Variants in NPSR1 observed in about 807,000 individuals in gnomAD.
NPSR1 encodes neuropeptide S receptor 1.
Under a neutral mutation model 46.9 loss-of-function variants are expected in NPSR1, and 48 were observed. That is an observed-to-expected ratio of 1.02 (90% confidence interval 0.81 to 1.30). The LOEUF (loss-of-function observed/expected upper bound fraction) is 1.30, where lower values mean the gene tolerates loss of function less well. Ranked by LOEUF, NPSR1 falls within the 50% of genes most tolerant of loss-of-function variation. The pLI is 0.00. For missense variants in NPSR1, 450 were observed against 449.5 expected (o/e 1.00, Z -0.01); for synonymous variants, 176 against 168.1 (o/e 1.05, Z -0.36).
At chr7:34,754,474 T>C (rs1403906891) in intron 2 of NPSR1, among the ~76,000 whole-genome samples, 1 of 152,170 alleles carries the variant, frequency 6.6e-6, no homozygotes, top group Non-Finnish European at 1.5e-5. Context: ...GATACCAGTG[T>C]AACTAGCACC....
intron 2 of NPSR1, among the ~76,000 whole-genome samples, chr7:34,746,786 G>C (rs10270663): frequency 6.6e-6 from 1 of 152,040 alleles, no homozygotes; most frequent in South Asian, 2.1e-4. Context: ...CCAAGAATGG[G>C]AAAGAGTGAG....
At position 34,707,029 on chromosome 7, in the gene NPSR1, T is replaced by C. The variant is rs1310636343; in HGVS notation, c.280+22345T>C. On this transcript the variant is annotated intron_variant, in intron 2 of 8. Transcript: ENST00000360581. ...AAAATGGCATTGTCCTATCGCTATGTGAATAATTCAACTAAAAAGAATAAC... is the reference window on the plus strand; with the variant it reads ...AAAATGGCATTGTCCTATCGCTATGCGAATAATTCAACTAAAAAGAATAAC... Among the ~76,000 whole-genome samples, 3 of 152,182 alleles carry C rather than the reference T, an allele frequency of 2.0e-5. No individual in the cohort carries two copies. In the South Asian group the frequency reaches 6.2e-4, roughly 32 times the overall value.
chr7:34,756,689 A>C (rs1365320663), intron 2 of NPSR1, among the ~76,000 whole-genome samples: 2 of 152,342 alleles, frequency 1.3e-5, no homozygotes, highest in Middle Eastern at 3.4e-3. Context: ...AACCAGTAAA[A>C]TATGTAAAAG....
intron 3 of NPSR1, among the ~76,000 whole-genome samples, chr7:34,801,934 G>A (rs563098851): frequency 2.0e-5 from 3 of 149,880 alleles, no homozygotes; most frequent in African/African-American, 7.6e-5. Flanking sequence ...GACAATCAGA[G>A]AGCCAAATCA....
At position 34,790,953 on chromosome 7, in the gene NPSR1, TTA is replaced by T. The variant is rs372060665; in HGVS notation, c.384+12392_384+12393del. 4.5e-3 allele frequency among the ~76,000 whole-genome samples: 374 copies of T among 82,826 alleles called. 8 individuals are homozygous for T. Among genetic ancestry groups the T allele is most frequent in the South Asian group, 0.012 (37 of 2,984 alleles). 54.3% of individuals were successfully genotyped at this position (82,826 alleles called of 152,430 possible). A position where few individuals can be genotyped will look rare whatever the true frequency, so the allele number is the denominator to read the frequency against. On this transcript the variant is annotated intron_variant, in intron 3 of 8. Transcript: ENST00000360581. ...TATGTTATATTATATATCATATATG[TTA>T]TATGTTATATTATATATGTTATATG...
intron 3 of NPSR1, among the ~76,000 whole-genome samples, chr7:34,791,064 A>ATATTATATATGTTATATG: frequency 8.9e-6 from 1 of 111,842 alleles, no homozygotes; most frequent in African/African-American, 4.0e-5. Context: ...TATGTTATAT[A>ATATTATATATGTTATATG]TTATATTATA....
At chr7:34,754,406 AG>A (rs1461837730) in intron 2 of NPSR1, among the ~76,000 whole-genome samples, 3 of 152,062 alleles carry the variant, frequency 2.0e-5, no homozygotes, top group Admixed American at 6.6e-5. Flanking sequence ...TTTTTATTGA[AG>A]TATGAAGTTC....
chr7:34,845,522 G>A (rs1249527893), intron 7 of NPSR1: 6 of 453,902 alleles, frequency 1.3e-5, no homozygotes, highest in Admixed American at 7.1e-5. Flanking sequence ...CTGCTCTCCG[G>A]TGGTGCCCCG....
intron 3 of NPSR1, 124 bp from the exon 4 acceptor site, chr7:34,811,646 C>T (rs1009106939): frequency 3.4e-5 from 21 of 621,376 alleles, no homozygotes; most frequent in Non-Finnish European, 5.6e-5. Context: ...CTTCCTAATC[C>T]AACACTCACC....
intron 2 of NPSR1, among the ~76,000 whole-genome samples, chr7:34,761,839 G>A (rs1212900873): frequency 6.6e-6 from 1 of 152,176 alleles, no homozygotes; most frequent in East Asian, 1.9e-4. Flanking sequence ...ATAATTACAT[G>A]CTACCATGCC....
At chr7:34,813,937 C>G (rs1294091414) in intron 4 of NPSR1, among the ~76,000 whole-genome samples, 1 of 152,224 alleles carries the variant, frequency 6.6e-6, no homozygotes, top group Non-Finnish European at 1.5e-5. Flanking sequence ...TGCTGGGGAT[C>G]TGTTCCAAGA....
intron 5 of NPSR1, among the ~76,000 whole-genome samples, chr7:34,831,422 C>T (rs1790113897): frequency 6.6e-6 from 1 of 151,516 alleles, no homozygotes; most frequent in African/African-American, 2.4e-5. Flanking sequence ...ATGATAGCTC[C>T]TCCATAAATA....
intron 1 of NPSR1, among the ~76,000 whole-genome samples, chr7:34,662,046 A>G (rs549245870): frequency 6.6e-6 from 1 of 152,326 alleles, no homozygotes; most frequent in South Asian, 2.1e-4. Flanking sequence ...CTTAATGAGA[A>G]ACCTAATTAG....
At chr7:34,831,970 G>T (rs1242817459) in intron 5 of NPSR1, among the ~76,000 whole-genome samples, 1 of 152,178 alleles carries the variant, frequency 6.6e-6, no homozygotes, top group Non-Finnish European at 1.5e-5. Flanking sequence ...TGCCAGGTTG[G>T]TGCAGCCCTG....
intron 2 of NPSR1, among the ~76,000 whole-genome samples, chr7:34,760,187 A>T (rs983586528): frequency 6.6e-6 from 1 of 152,212 alleles, no homozygotes; most frequent in African/African-American, 2.4e-5. Context: ...TTTTGCAGAA[A>T]ACATTATTCT....
intron 4 of NPSR1, among the ~76,000 whole-genome samples, chr7:34,822,392 A>G (rs1214703070): frequency 6.6e-6 from 1 of 152,208 alleles, no homozygotes; most frequent in African/African-American, 2.4e-5. Flanking sequence ...GCACAAGGCA[A>G]TGGCCGCTTA....
At position 34,827,007 on chromosome 7, in the gene NPSR1, C is replaced by T. The variant is rs185517876; in HGVS notation, c.479-394C>T. ...ATGCCACGTGGACCAAAGGCTGTAG[C>T]CCTGCCTGGTAACAAGAGACTGCAT... On this transcript the variant is annotated intron_variant, in intron 4 of 8. Coordinates refer to ENST00000360581, the MANE Select transcript of NPSR1 (RefSeq NM_207172.2). Among the ~76,000 whole-genome samples the T allele has an allele frequency of 1.3e-3, 196 of 152,272 alleles. 1 individual carries two copies. In the South Asian group the frequency reaches 0.02, roughly 15 times the overall value.
Position 34,783,989 on chromosome 7 carries a change from A to G in NPSR1, c.384+5424A>G, listed in dbSNP as rs79710589. 2.0e-5 allele frequency among the ~76,000 whole-genome samples: 3 copies of G among 152,118 alleles called. No individual in the cohort carries two copies. The East Asian group carries it at 5.8e-4, about 29-fold the overall frequency. On this transcript the variant is annotated intron_variant, in intron 3 of 8. Coordinates refer to ENST00000360581, the MANE Select transcript of NPSR1 (RefSeq NM_207172.2). ...GAAAGAGTTCATCACCACCAAACCT[A>G]TTTTCCAAAAATTCTACACAGAATC...
At chr7:34,819,363 GA>G (rs1409220531) in intron 4 of NPSR1, among the ~76,000 whole-genome samples, 1 of 152,182 alleles carries the variant, frequency 6.6e-6, no homozygotes, top group Non-Finnish European at 1.5e-5. Context: ...AAACCACAAT[GA>G]AAAACCATCT....
Sources: allele counts gnomAD v4.1 joint callset (sites outside exome capture counted in the v4.1 genomes callset), GRCh38; gene constraint gnomAD v4.1.1; transcripts MANE v1.5; gene names NCBI Gene and HGNC (gene_info 2026-07-23, HGNC 2026-07-21).